The following SLC35D4 variants were observed in gnomAD, a reference collection of about 807,000 sequenced individuals.
SLC35D4 encodes the protein UDP-N-acetylglucosamine transporter SLC35D4.
At chr18:23,324,061 C>T in the SLC35D4 span, among the ~76,000 whole-genome samples, 3 of 148,000 alleles carry the variant, frequency 2.0e-5, no homozygotes, top group South Asian at 2.1e-4. Context: ...CCACCCTGGG[C>T]GAGGAAGTGA....
the SLC35D4 span, among the ~76,000 whole-genome samples, chr18:23,293,824 GC>G: frequency 6.6e-6 from 1 of 152,138 alleles, no homozygotes; most frequent in African/African-American, 2.4e-5. Flanking sequence ...ACAGAGTTTG[GC>G]TCTGTTGCCC....
the SLC35D4 span, among the ~76,000 whole-genome samples, chr18:23,427,756 C>T: frequency 6.6e-6 from 1 of 152,168 alleles, no homozygotes; most frequent in African/African-American, 2.4e-5. Context: ...ATAGCAAAGA[C>T]TTGGAACCAA....
At chr18:23,345,841 A>G in the SLC35D4 span, among the ~76,000 whole-genome samples, 1 of 152,176 alleles carries the variant, frequency 6.6e-6, no homozygotes, top group Non-Finnish European at 1.5e-5. Flanking sequence ...CCTCTCAAAA[A>G]GGTTTTATAG....
the SLC35D4 span, among the ~76,000 whole-genome samples, chr18:23,290,025 C>A: frequency 6.6e-6 from 1 of 152,208 alleles, no homozygotes; most frequent in Non-Finnish European, 1.5e-5. Flanking sequence ...GTTTGGTGGT[C>A]TCTTCACATG....
chr18:23,259,989 CG>C, the SLC35D4 span: 7 of 150,144 alleles, frequency 4.7e-5, no homozygotes, highest in Admixed American at 1.3e-4. Flanking sequence ...CCTTTTCCCC[CG>C]GAGCCAGCCT....
chr18:23,380,481 T>C, the SLC35D4 span, among the ~76,000 whole-genome samples: 5 of 152,116 alleles, frequency 3.3e-5, no homozygotes, highest in Admixed American at 3.3e-4. Flanking sequence ...CCAGGGAAGC[T>C]TTCCTTGCTC....
chr18:23,391,769 G>A, the SLC35D4 span, among the ~76,000 whole-genome samples: 1 of 152,104 alleles, frequency 6.6e-6, no homozygotes, highest in South Asian at 2.1e-4. Context: ...TTACAGGCAT[G>A]GGCCACCATG....
the SLC35D4 span, among the ~76,000 whole-genome samples, chr18:23,319,480 G>A: frequency 2.0e-5 from 3 of 151,468 alleles, no homozygotes; most frequent in Non-Finnish European, 4.4e-5. Flanking sequence ...TTTCGCTCTC[G>A]TTGCCCAGGC....
chr18:23,408,318 C>T, the SLC35D4 span, among the ~76,000 whole-genome samples: 1 of 152,156 alleles, frequency 6.6e-6, no homozygotes, highest in African/African-American at 2.4e-5. Flanking sequence ...TTGTTTTGCT[C>T]CCTGCACATC....
At chr18:23,385,779 G>C in the SLC35D4 span, among the ~76,000 whole-genome samples, 4 of 152,128 alleles carry the variant, frequency 2.6e-5, no homozygotes, top group African/African-American at 9.7e-5. Flanking sequence ...TTGGGCTGCA[G>C]GGTGGAAGAC....
At chr18:23,382,272 C>T in the SLC35D4 span, among the ~76,000 whole-genome samples, 1 of 151,202 alleles carries the variant, frequency 6.6e-6, no homozygotes, top group Non-Finnish European at 1.5e-5. Flanking sequence ...AGAAAGGATC[C>T]CTTTGGAGAA....
At chr18:23,354,345 CAAAAAAA>C in the SLC35D4 span, among the ~76,000 whole-genome samples, 35 of 99,120 alleles carry the variant, frequency 3.5e-4, no homozygotes, top group Admixed American at 3.8e-4. Context: ...ACTAAAAATA[CAAAAAAA>C]AAAAAAAAAA....
chr18:23,291,344 AC>A, the SLC35D4 span, among the ~76,000 whole-genome samples: 1 of 152,358 alleles, frequency 6.6e-6, no homozygotes, highest in East Asian at 1.9e-4. Context: ...AAAGGGCAGG[AC>A]GGTGGGCCTC....
chr18:23,387,202 C>T, the SLC35D4 span, among the ~76,000 whole-genome samples: 14 of 152,268 alleles, frequency 9.2e-5, no homozygotes, highest in South Asian at 2.9e-3. Context: ...TGAGCCACTG[C>T]CCCTGGCCTG....
At chr18:23,413,149 G>T in the SLC35D4 span, among the ~76,000 whole-genome samples, 1 of 152,172 alleles carries the variant, frequency 6.6e-6, no homozygotes. Context: ...GATTACAGGC[G>T]TGAGCCACCG....
chr18:23,254,103 T>G, the SLC35D4 span, among the ~76,000 whole-genome samples: 1 of 152,240 alleles, frequency 6.6e-6, no homozygotes, highest in Non-Finnish European at 1.5e-5. Flanking sequence ...TCAGGCTATC[T>G]TAAAACATAG....
the SLC35D4 span, among the ~76,000 whole-genome samples, chr18:23,374,281 G>A: frequency 2.6e-5 from 4 of 152,046 alleles, no homozygotes; most frequent in African/African-American, 7.3e-5. Context: ...TATAAAGCTC[G>A]GAAGGACACA....
the SLC35D4 span, among the ~76,000 whole-genome samples, chr18:23,284,964 GTGCTGACC>G: frequency 6.6e-6 from 1 of 152,240 alleles, no homozygotes. Context: ...CTTCAGGAAG[GTGCTGACC>G]TCCTGTGTCT....
the SLC35D4 span, among the ~76,000 whole-genome samples, chr18:23,369,575 T>C: frequency 7.9e-5 from 12 of 152,154 alleles, no homozygotes; most frequent in African/African-American, 2.7e-4. Flanking sequence ...ATGCAGCCGA[T>C]TGGCACCCAA....
Sources: allele counts gnomAD v4.1 joint callset (sites outside exome capture counted in the v4.1 genomes callset), GRCh38; gene constraint gnomAD v4.1.1; transcripts MANE v1.5; gene names NCBI Gene and HGNC (gene_info 2026-07-23, HGNC 2026-07-21).